The following CHLSN variants were observed in gnomAD, a reference collection of about 807,000 sequenced individuals.
CHLSN encodes the protein protein cholesin.
At chr7:1,083,029 C>T in the CHLSN span, among the ~76,000 whole-genome samples, 24 of 152,328 alleles carry the variant, frequency 1.6e-4, no homozygotes, top group East Asian at 4.2e-3. Flanking sequence ...GGCCTCTCCT[C>T]GGATATTCCG....
At chr7:1,092,763 G>A in the CHLSN span, 1 of 1,613,654 alleles carries the variant, frequency 6.2e-7, no homozygotes, top group African/African-American at 1.3e-5. Context: ...AAACAAATTT[G>A]CCGGCCCTGA....
At chr7:1,090,303 G>T in the CHLSN span, among the ~76,000 whole-genome samples, 2 of 152,234 alleles carry the variant, frequency 1.3e-5, no homozygotes, top group Admixed American at 1.3e-4. Flanking sequence ...CGCATCCCCA[G>T]AGACTGCCAG....
the CHLSN span, among the ~76,000 whole-genome samples, chr7:1,015,556 C>G: frequency 6.6e-6 from 1 of 152,330 alleles, no homozygotes; most frequent in Non-Finnish European, 1.5e-5. Flanking sequence ...GGGAGCAGAG[C>G]CTTCACCTAA....
the CHLSN span, among the ~76,000 whole-genome samples, chr7:1,008,681 C>G: frequency 6.6e-6 from 1 of 152,144 alleles, no homozygotes; most frequent in South Asian, 2.1e-4. Context: ...TGCAGGGCAG[C>G]CAAGAGCCCC....
chr7:1,085,000 A>C, the CHLSN span, among the ~76,000 whole-genome samples: 1 of 152,222 alleles, frequency 6.6e-6, no homozygotes, highest in Non-Finnish European at 1.5e-5. Flanking sequence ...AAGGCACTGC[A>C]GGCCCTGTGT....
At chr7:1,059,010 G>A in the CHLSN span, 547 of 183,846 alleles carry the variant, frequency 3.0e-3, 4 homozygotes, top group African/African-American at 0.012. Flanking sequence ...AAGGCCTGCC[G>A]GGTGTGCCGC....
At chr7:987,852 G>T in the CHLSN span, among the ~76,000 whole-genome samples, 375 of 151,698 alleles carry the variant, frequency 2.5e-3, 2 homozygotes, top group African/African-American at 8.7e-3. Flanking sequence ...ATCCTGGGGG[G>T]GTCCCCTCTG....
At chr7:1,058,271 C>T in the CHLSN span, 2 of 772,476 alleles carry the variant, frequency 2.6e-6, no homozygotes, top group African/African-American at 3.4e-5. Flanking sequence ...ACTATCTGAT[C>T]CTGCTGGGGC....
chr7:1,001,709 T>C, the CHLSN span, among the ~76,000 whole-genome samples: 1 of 71,898 alleles, frequency 1.4e-5, no homozygotes. Flanking sequence ...GGGTGGGGAG[T>C]CCTGTGGGTT....
the CHLSN span, chr7:1,137,415 A>C: frequency 6.6e-6 from 1 of 152,384 alleles, no homozygotes; most frequent in African/African-American, 2.4e-5. Context: ...CTGTAGCCCA[A>C]TGCCCCGAAC....
At chr7:983,385 G>C in the CHLSN span, 87 of 1,503,868 alleles carry the variant, frequency 5.8e-5, no homozygotes, top group Middle Eastern at 2.3e-4. Context: ...CCCTGATGGA[G>C]GTAAGTCAGG....
chr7:1,058,590 A>T, the CHLSN span: 1 of 667,678 alleles, frequency 1.5e-6, no homozygotes, highest in Non-Finnish European at 2.7e-6. Context: ...CGCTCCCCAC[A>T]TCCTTCCAGA....
At chr7:1,081,553 G>A in the CHLSN span, among the ~76,000 whole-genome samples, 1 of 152,256 alleles carries the variant, frequency 6.6e-6, no homozygotes, top group Non-Finnish European at 1.5e-5. Context: ...CATCCGCCAC[G>A]CGGACGGGGA....
the CHLSN span, among the ~76,000 whole-genome samples, chr7:1,108,544 G>A: frequency 1.3e-5 from 2 of 152,214 alleles, no homozygotes; most frequent in Non-Finnish European, 2.9e-5. Context: ...CGGGGGCAGT[G>A]CAAATCTGCC....
the CHLSN span, among the ~76,000 whole-genome samples, chr7:1,061,510 G>A: frequency 3.3e-5 from 5 of 152,054 alleles, no homozygotes; most frequent in African/African-American, 1.2e-4. Flanking sequence ...CCAGGCTCCC[G>A]CCAGTCTCTG....
the CHLSN span, among the ~76,000 whole-genome samples, chr7:1,125,020 G>A: frequency 1.3e-5 from 2 of 152,342 alleles, no homozygotes; most frequent in Admixed American, 1.3e-4. Context: ...ACGACCCTCT[G>A]AGACAGCCAG....
At chr7:1,098,211 A>G in the CHLSN span, among the ~76,000 whole-genome samples, 1 of 152,218 alleles carries the variant, frequency 6.6e-6, no homozygotes, top group South Asian at 2.1e-4. Flanking sequence ...CAGGATGCAC[A>G]CAGCAAGTGG....
chr7:1,044,148 C>CT, the CHLSN span, among the ~76,000 whole-genome samples: 34 of 152,210 alleles, frequency 2.2e-4, no homozygotes, highest in African/African-American at 7.7e-4. Context: ...GAAAGAGGGG[C>CT]AGGTGTACCT....
At chr7:1,090,252 C>T in the CHLSN span, among the ~76,000 whole-genome samples, 4 of 152,210 alleles carry the variant, frequency 2.6e-5, no homozygotes, top group Non-Finnish European at 4.4e-5. Context: ...GGGAGCTGAG[C>T]GGCAGCCCTG....
Sources: allele counts gnomAD v4.1 joint callset (sites outside exome capture counted in the v4.1 genomes callset), GRCh38; gene constraint gnomAD v4.1.1; transcripts MANE v1.5; gene names NCBI Gene and HGNC (gene_info 2026-07-23, HGNC 2026-07-21).